Variants in MCC observed in about 807,000 individuals in gnomAD.
MCC encodes colorectal mutant cancer protein.
Under a neutral mutation model 116.2 loss-of-function variants are expected in MCC, and 90 were observed. The ratio of observed to expected loss-of-function variants is 0.77; its 90% CI spans 0.65 to 0.92. The LOEUF is 0.92. Ranked by LOEUF, MCC falls within the 40% of genes least tolerant of loss-of-function variation. The probability of loss-of-function intolerance (pLI) is 0.00; values close to 1 mark genes in which losing one functional copy is unlikely to be tolerated. For missense variants in MCC, 1,516 were observed against 1,312.2 expected (o/e 1.16, Z -2.40); for synonymous variants, 578 against 510.5 (o/e 1.13, Z -1.78).
At chr5:113,384,887 T>C in intron 2 of MCC, 81 bp downstream of exon 2, 4 of 1,525,628 alleles carry the variant, frequency 2.6e-6, no homozygotes, top group Non-Finnish European at 3.6e-6. Context: ...GGCCTCATGA[T>C]GGGGAGGCTA....
intron 2 of MCC, among the ~76,000 whole-genome samples, chr5:113,357,420 T>C (rs960706475): frequency 6.6e-6 from 1 of 152,124 alleles, no homozygotes; most frequent in Non-Finnish European, 1.5e-5. Context: ...TTTGTTACAG[T>C]AGGTAGTCAG....
intron 1 of MCC, among the ~76,000 whole-genome samples, chr5:113,390,872 C>CA (rs570180709): frequency 6.6e-6 from 1 of 152,092 alleles, no homozygotes. Flanking sequence ...TGAAAGACTA[C>CA]AAAAAACATC....
chr5:113,099,169 T>A (rs573838781), intron 8 of MCC, among the ~76,000 whole-genome samples: 1 of 152,250 alleles, frequency 6.6e-6, no homozygotes, highest in African/African-American at 2.4e-5. Flanking sequence ...ATTCATGGTA[T>A]GTATATAAAT....
intron 1 of MCC, among the ~76,000 whole-genome samples, chr5:113,440,355 C>T (rs1561573914): frequency 6.6e-6 from 1 of 152,178 alleles, no homozygotes; most frequent in East Asian, 1.9e-4. Context: ...CTCCCTCAGA[C>T]ACTCTACTTC....
chr5:113,084,128 G>A lies in MCC; in HGVS notation c.1608C>T (p.Val536=). The change falls in exon 10 of 19, where the codon GTC becomes GTT. Residue 536 remains valine, a synonymous_variant. Transcript: ENST00000408903. ...CTATGCTACTGATTTCTGAGCCCAG[G>A]ACTGGCCGATCAGATGATGACGATT... ...RSESSSSDRP[V]LGSEISSIGV... is the part of the protein sequence containing the mutation. 1 of 1,614,074 alleles carries A rather than the reference G, an allele frequency of 6.2e-7. No homozygotes were observed. Among genetic ancestry groups the A allele is most frequent in the East Asian group, 2.2e-5 (1 of 44,876 alleles).
In MCC at chr5:113,347,703, A is replaced by G. The variant is rs148321353; in HGVS notation, c.416-6973T>C. 5.3e-3 allele frequency among the ~76,000 whole-genome samples: 808 copies of G among 152,228 alleles called. 7 individuals are homozygous for G. The highest frequency in any genetic ancestry group is 0.012 in the Admixed American group (186 of 15,286). ...AAATAATCAGAAAACAAATAACAAA[A>G]TGGCAAGAGTAAGTCCTTACTTACC... On this transcript the variant is annotated intron_variant, in intron 2 of 18. Coordinates refer to ENST00000408903, the MANE Select transcript of MCC (RefSeq NM_001085377.2).
At chr5:113,322,404 T>G (rs185528346) in intron 3 of MCC, among the ~76,000 whole-genome samples, 37 of 152,192 alleles carry the variant, frequency 2.4e-4, no homozygotes, top group Admixed American at 2.2e-3. Context: ...TTGTATAAAA[T>G]CATACAGAAA....
chr5:113,252,548 C>T (rs112250531), intron 3 of MCC, among the ~76,000 whole-genome samples: 3 of 152,144 alleles, frequency 2.0e-5, no homozygotes, highest in African/African-American at 7.2e-5. Flanking sequence ...TCAGGATTCC[C>T]ATTGATTCTG....
intron 2 of MCC, among the ~76,000 whole-genome samples, chr5:113,359,597 TG>T (rs1290041394): frequency 1.3e-5 from 2 of 152,240 alleles, no homozygotes; most frequent in Non-Finnish European, 2.9e-5. Flanking sequence ...AAAGCACAGC[TG>T]AGGCAAGCCT....
chr5:113,263,267 C>T (rs764139700), intron 3 of MCC, among the ~76,000 whole-genome samples: 9 of 152,024 alleles, frequency 5.9e-5, no homozygotes, highest in Admixed American at 3.3e-4. Flanking sequence ...TAAATCTATG[C>T]GACTGTGATG....
At chr5:113,353,827 G>A (rs1263861278) in intron 2 of MCC, among the ~76,000 whole-genome samples, 10 of 152,164 alleles carry the variant, frequency 6.6e-5, no homozygotes, top group Admixed American at 6.5e-4. Context: ...CACATGCACA[G>A]GACTGTTTTC....
chr5:113,101,776 T>G lies in MCC; in HGVS notation c.1361A>C (p.Asn454Thr). The G allele has an allele frequency of 6.2e-7, 1 of 1,613,448 alleles. No individual in the cohort carries two copies. The highest frequency in any genetic ancestry group is 1.1e-5 in the South Asian group (1 of 91,060). The change falls in exon 8 of 19, where the codon AAT (asparagine) becomes ACT (threonine). Residue 454 changes from asparagine (N) to threonine (T), a missense_variant. Transcript: ENST00000408903. The part of the protein sequence containing the change: ...EELNRTKATM[N>T]AIREERDRLR... ...CCGGTCCCGCTCTTCCCGGATGGCA[T>G]TCATGGTGGCCTTAGTCCGGTTCAG...
At chr5:113,209,722 G>C (rs897183017) in intron 3 of MCC, among the ~76,000 whole-genome samples, 2 of 152,124 alleles carry the variant, frequency 1.3e-5, no homozygotes, top group East Asian at 3.9e-4. Flanking sequence ...GTGTCAGTGG[G>C]TCAGGAGCCT....
At chr5:113,382,136 A>C (rs1315054165) in intron 2 of MCC, among the ~76,000 whole-genome samples, 1 of 152,186 alleles carries the variant, frequency 6.6e-6, no homozygotes, top group Non-Finnish European at 1.5e-5. Context: ...GGGGACACAA[A>C]GTCAAGAGAG....
intron 1 of MCC, among the ~76,000 whole-genome samples, chr5:113,473,388 G>T (rs1772147549): frequency 6.6e-6 from 1 of 152,066 alleles, no homozygotes; most frequent in South Asian, 2.1e-4. Flanking sequence ...GCTGGGCATG[G>T]GGGTGGATGC....
intron 1 of MCC, among the ~76,000 whole-genome samples, chr5:113,392,514 TAA>T (rs543127777): frequency 2.1e-5 from 3 of 141,672 alleles, no homozygotes; most frequent in Admixed American, 7.0e-5. Flanking sequence ...TGGCAACATC[TAA>T]AAAAAAAAAA....
At chr5:113,485,655 T>C (rs932565034) in intron 1 of MCC, among the ~76,000 whole-genome samples, 2 of 152,034 alleles carry the variant, frequency 1.3e-5, no homozygotes, top group Non-Finnish European at 2.9e-5. Context: ...ATGTGAAAAA[T>C]GGTGTTGGAG....
chr5:113,482,146 CTTGT>C (rs1182620431), intron 1 of MCC, among the ~76,000 whole-genome samples: 3 of 152,170 alleles, frequency 2.0e-5, no homozygotes, highest in Non-Finnish European at 4.4e-5. Context: ...TACATCACAT[CTTGT>C]TTATTCATTC....
intron 3 of MCC, among the ~76,000 whole-genome samples, chr5:113,235,716 C>T (rs979441530): frequency 6.6e-6 from 1 of 152,212 alleles, no homozygotes; most frequent in Admixed American, 6.5e-5. Flanking sequence ...GATTTCTGGA[C>T]TGGGCACCAT....
Sources: allele counts gnomAD v4.1 joint callset (sites outside exome capture counted in the v4.1 genomes callset), GRCh38; gene constraint gnomAD v4.1.1; transcripts MANE v1.5; gene names NCBI Gene and HGNC (gene_info 2026-07-23, HGNC 2026-07-21).